The following MED14 variants were observed in gnomAD, a reference collection of about 807,000 sequenced individuals.
The protein encoded by MED14 is mediator of RNA polymerase II transcription subunit 14.
MED14 carries 8 observed loss-of-function variants against 109.0 expected under a neutral mutation model. The ratio of observed to expected loss-of-function variants is 0.07; its 90% CI spans 0.04 to 0.13. MED14 has a LOEUF of 0.13. Among genes scored for constraint, MED14 ranks in the 10% least tolerant of loss-of-function variants. The pLI is 1.00. For missense variants in MED14, 711 were observed against 1,142.4 expected (o/e 0.62, Z 5.44); for synonymous variants, 399 against 408.7 (o/e 0.98, Z 0.29).
chrX:40,713,951 G>C (rs778845882), intron 4 of MED14, 44 bp from the exon 5 acceptor site: 35 of 1,154,884 alleles, frequency 3.0e-5, no homozygotes, highest in Non-Finnish European at 4.0e-5. Flanking sequence ...TACAAACGGG[G>C]ATTTTTTTTT....
rs773660672 is a variant in MED14 at position 40,658,789 on chromosome X, A to C, written c.3972+438T>G. 3.7e-5 allele frequency among the ~76,000 whole-genome samples: 4 copies of C among 108,905 alleles called. No homozygotes were observed. The South Asian group carries it at 1.2e-3, about 33-fold the overall frequency. The allele number at this position is 108,905 out of a possible 115,157, so 94.6% of individuals were successfully genotyped here. ...GAGGTGGGAGAATCACCTGAGCCCC[A>C]GAGGTCGAGGGTGCAGTGAACTGAG... On this transcript the variant is annotated intron_variant, in intron 28 of 30. Coordinates refer to ENST00000324817, the MANE Select transcript of MED14 (RefSeq NM_004229.4).
At chrX:40,682,038 C>A in intron 18 of MED14, 95 bp from the exon 19 acceptor site, 2 of 392,180 alleles carry the variant, frequency 5.1e-6, no homozygotes, top group African/African-American at 2.6e-5. Context: ...ATATTATATG[C>A]CCAGACAGGT....
At chrX:40,681,444 T>TA (rs750765459) in intron 19 of MED14, among the ~76,000 whole-genome samples, 2 of 111,877 alleles carry the variant, frequency 1.8e-5, no homozygotes, top group Non-Finnish European at 3.8e-5. Context: ...TTACAGGAAA[T>TA]ACTTCAAGAT....
intron 3 of MED14, among the ~76,000 whole-genome samples, chrX:40,724,267 G>A (rs1385687535): frequency 8.9e-6 from 1 of 112,328 alleles, no homozygotes; most frequent in Non-Finnish European, 1.9e-5. Context: ...TTTCAGCATT[G>A]GACGGATCTC....
chrX:40,696,504 A>C (rs1162359661), intron 13 of MED14, among the ~76,000 whole-genome samples: 1 of 110,960 alleles, frequency 9.0e-6, no homozygotes, highest in Non-Finnish European at 1.9e-5. Context: ...TGCAAATTTT[A>C]ACTAATTCAA....
At chrX:40,685,358 C>CA (rs1433935405) in intron 16 of MED14, among the ~76,000 whole-genome samples, 2 of 111,897 alleles carry the variant, frequency 1.8e-5, no homozygotes, top group African/African-American at 6.5e-5. Context: ...AGATCACTGA[C>CA]AGTGCTAGCA....
In MED14 at chrX:40,674,580, C is replaced by A. The variant is rs189047366; in HGVS notation, c.3021+641G>T. ...GCTCATATACAACTAAAAATGAAGCCCCTGAAGACTCCGGCCCAGAGTCTA... is the reference window on the plus strand; with the variant it reads ...GCTCATATACAACTAAAAATGAAGCACCTGAAGACTCCGGCCCAGAGTCTA... On this transcript the variant is annotated intron_variant, in intron 22 of 30. Transcript: ENST00000324817. Among the ~76,000 whole-genome samples the A allele has an allele frequency of 1.3e-4, 15 of 111,892 alleles. No homozygotes were observed. The East Asian group carries it at 3.4e-3, about 25-fold the overall frequency.
chrX:40,667,802 C>T (rs1337360282), intron 23 of MED14, among the ~76,000 whole-genome samples: 1 of 111,978 alleles, frequency 8.9e-6, no homozygotes, highest in Non-Finnish European at 1.9e-5. Context: ...GTAAAGGTGA[C>T]AGACTATGGT....
intron 21 of MED14, among the ~76,000 whole-genome samples, chrX:40,678,765 C>T (rs1930005608): frequency 9.2e-6 from 1 of 108,632 alleles, no homozygotes; most frequent in South Asian, 4.1e-4. Flanking sequence ...ATGATCATGC[C>T]ACTGCACTCC....
Position 40,682,618 on chromosome X carries a change from C to T in MED14, c.2350G>A (p.Ala784Thr). 1 of 1,176,058 alleles carries T rather than the reference C, an allele frequency of 8.5e-7. No individual in the cohort carries two copies. Among genetic ancestry groups the T allele is most frequent in the Non-Finnish European group, 1.1e-6 (1 of 876,630 alleles). Residue 784 changes from alanine (A) to threonine (T), a missense_variant, in exon 18 of 31, where the codon GCA becomes ACA. By Grantham distance (58) the Ala-to-Thr change is moderately conservative. Transcript: ENST00000324817. ...ARLYECVLEFARSLPDIPAHL... is the reference protein window; with the variant it reads ...ARLYECVLEFTRSLPDIPAHL... ...CCACACGTACCTGGTAGAGAACGTG[C>T]AAATTCCAACACACACTCATATAAT...
rs772510965 is a variant in MED14, at chrX:40,694,188, C to T, written c.1651-1286G>A. 3.6e-4 allele frequency among the ~76,000 whole-genome samples: 40 copies of T among 111,394 alleles called. No individual in the cohort carries two copies. The South Asian group carries it at 0.014, about 39-fold the overall frequency. ...TACTAGGATTACAGGCATGAGCCAC[C>T]GCAACTGGCCTATCTTTATTTTTGT... On this transcript the variant is annotated intron_variant, in intron 13 of 30. Coordinates refer to ENST00000324817, the MANE Select transcript of MED14 (RefSeq NM_004229.4).
At chrX:40,716,749 T>C (rs1931538252) in intron 3 of MED14, among the ~76,000 whole-genome samples, 1 of 111,806 alleles carries the variant, frequency 8.9e-6, no homozygotes, top group South Asian at 3.7e-4. Context: ...ATAGCCAAGA[T>C]ACAGAATCAA....
chrX:40,654,871 T>C, intron 29 of MED14, 64 bp downstream of exon 29: 3 of 1,152,846 alleles, frequency 2.6e-6, no homozygotes, highest in Non-Finnish European at 3.5e-6. Flanking sequence ...CAAAAGTTGC[T>C]CTATTATCAT....
chrX:40,691,597 T>TTA lies in MED14; in HGVS notation c.1980+585_1980+586insTA, dbSNP rs1282185453. ...TCACTGCACTCAGCCTGTCCACTTT[T>TTA]TCTTTTAATCTTTTTTTTTTTTTTT... is the stretch of plus-strand genomic sequence containing the variant. On this transcript the variant is annotated intron_variant, in intron 15 of 30. Transcript: ENST00000324817. Among the ~76,000 whole-genome samples the TTA allele has an allele frequency of 3.1e-4, 7 of 22,526 alleles. No homozygotes were observed. In the East Asian group the frequency reaches 7.6e-3, roughly 24 times the overall value. The allele number at this position is 22,526 out of a possible 115,157, so 19.6% of individuals were successfully genotyped here.
intron 3 of MED14, among the ~76,000 whole-genome samples, chrX:40,722,202 A>C (rs1351048746): frequency 8.9e-6 from 1 of 112,469 alleles, no homozygotes; most frequent in Non-Finnish European, 1.9e-5. Flanking sequence ...AAACTCAAAG[A>C]AATTCAAGAA....
intron 26 of MED14, among the ~76,000 whole-genome samples, chrX:40,662,405 TAG>T (rs763803631): frequency 4.3e-4 from 48 of 110,492 alleles, no homozygotes; most frequent in Admixed American, 4.2e-3. Flanking sequence ...AAATTTTTTG[TAG>T]AGAGAGGGTC....
chrX:40,667,511 G>A (rs1034835645), intron 23 of MED14, among the ~76,000 whole-genome samples: 1 of 111,993 alleles, frequency 8.9e-6, no homozygotes, highest in East Asian at 2.8e-4. Context: ...CAGAGTGAAC[G>A]AGGGGGGCAG....
rs1428287348 is a variant in MED14, at chrX:40,651,896, T to C, written c.4292-17A>G. ...TGCATTCACCTGCAACAGAGAAAAA[T>C]GGTCATTAGCTATTCACAACACAGG... On this transcript the variant is annotated splice_polypyrimidine_tract_variant and intron_variant, in intron 30 of 30. Transcript: ENST00000324817. 8.4e-7 allele frequency: 1 copy of C among 1,189,456 alleles called. No individual in the cohort carries two copies. The highest frequency in any genetic ancestry group is 1.1e-6 in the Non-Finnish European group (1 of 885,487).
chrX:40,681,270 C>T (rs762134679), intron 19 of MED14, among the ~76,000 whole-genome samples: 5 of 111,766 alleles, frequency 4.5e-5, no homozygotes, highest in South Asian at 7.5e-4. Context: ...AGGGGAAGGG[C>T]GCCACTCTGG....
Sources: gnomAD v4.1 joint callset for allele counts (sites outside exome capture counted in the v4.1 genomes callset) on GRCh38, gnomAD v4.1.1 for gene constraint, MANE v1.5 for transcripts, NCBI Gene and HGNC (gene_info 2026-07-23, HGNC 2026-07-21) for gene names.